The following UBE3C variants were observed in gnomAD, a reference collection of about 807,000 sequenced individuals.
UBE3C encodes the protein ubiquitin-protein ligase E3C.
A neutral mutation model predicts 129.4 loss-of-function variants in UBE3C; 42 were observed. The ratio of observed to expected loss-of-function variants is 0.32; its 90% CI spans 0.25 to 0.42. The LOEUF (loss-of-function observed/expected upper bound fraction) is 0.42. UBE3C is among the 10% of genes least tolerant of loss of function. The pLI, the probability that UBE3C is intolerant of heterozygous loss-of-function variation, is 1.00. For missense variants in UBE3C, 1,049 were observed against 1,319.1 expected (o/e 0.80, Z 3.17); for synonymous variants, 510 against 492.4 (o/e 1.04, Z -0.47).
chr7:157,265,148 G>A (rs886182312), intron 22 of UBE3C, among the ~76,000 whole-genome samples: 1 of 152,342 alleles, frequency 6.6e-6, no homozygotes, highest in African/African-American at 2.4e-5. Flanking sequence ...AGTTGTGAAT[G>A]TGGGTGAAGC....
Position 157,267,786 on chromosome 7 carries a change from A to ATCT in UBE3C, c.*31_*32insTCT. On this transcript the variant is annotated 3_prime_UTR_variant, in exon 23 of 23. Transcript: ENST00000348165. ...ATGCTGGGGTCAGACCCCTACAGAGAACCAGTGCTTCCTTCGTCAGCAGCG... is the reference window on the plus strand; with the variant it reads ...ATGCTGGGGTCAGACCCCTACAGAGATCTACCAGTGCTTCCTTCGTCAGCAGCG... The ATCT allele has an allele frequency of 1.3e-6, 2 of 1,527,284 alleles. No homozygotes were observed. Among genetic ancestry groups the ATCT allele is most frequent in the South Asian group, 2.6e-5 (2 of 77,008 alleles). 94.6% of individuals were successfully genotyped at this position (1,527,284 alleles called of 1,614,324 possible).
At chr7:157,152,809 A>G (rs1167882290) in intron 1 of UBE3C, among the ~76,000 whole-genome samples, 3 of 152,100 alleles carry the variant, frequency 2.0e-5, no homozygotes, top group Non-Finnish European at 4.4e-5. Flanking sequence ...CTGCTTGGGA[A>G]GTTGAGGACC....
intron 1 of UBE3C, among the ~76,000 whole-genome samples, chr7:157,161,775 A>G (rs1808077326): frequency 6.6e-6 from 1 of 152,130 alleles, no homozygotes; most frequent in Admixed American, 6.5e-5. Context: ...TTTGGCAATT[A>G]GAAACTTGAT....
chr7:157,153,375 C>G (rs962158883), intron 1 of UBE3C, among the ~76,000 whole-genome samples: 7 of 152,136 alleles, frequency 4.6e-5, no homozygotes, highest in African/African-American at 1.4e-4. Flanking sequence ...ATAGTTAACT[C>G]TGGAACCAAC....
intron 18 of UBE3C, among the ~76,000 whole-genome samples, chr7:157,232,173 A>C (rs1796038922): frequency 6.6e-6 from 1 of 152,016 alleles, no homozygotes. Context: ...GACACCTGTC[A>C]TTGTATTGGG....
At chr7:157,264,444 C>A (rs370629644) in intron 22 of UBE3C, among the ~76,000 whole-genome samples, 1 of 126,260 alleles carries the variant, frequency 7.9e-6, no homozygotes, top group African/African-American at 3.1e-5. Context: ...CAGGTGTGAG[C>A]CAACATGCTC....
chr7:157,251,313 C>G (rs1268487461), intron 19 of UBE3C, among the ~76,000 whole-genome samples: 1 of 152,112 alleles, frequency 6.6e-6, no homozygotes, highest in African/African-American at 2.4e-5. Flanking sequence ...TCAGTGTAAT[C>G]AATTTGGCTG....
At chr7:157,148,731 CTTTTTT>C (rs58138213) in intron 1 of UBE3C, among the ~76,000 whole-genome samples, 1 of 131,792 alleles carries the variant, frequency 7.6e-6, no homozygotes. Context: ...CAAATTAGTT[CTTTTTT>C]TTTTTTTTTT....
chr7:157,253,063 T>A (rs1796658541), intron 19 of UBE3C, among the ~76,000 whole-genome samples: 2 of 152,220 alleles, frequency 1.3e-5, no homozygotes, highest in South Asian at 2.1e-4. Flanking sequence ...AAATACTTTT[T>A]AAAAATTTTT....
At chr7:157,259,259 C>T (rs536263391) in intron 22 of UBE3C, among the ~76,000 whole-genome samples, 4 of 152,326 alleles carry the variant, frequency 2.6e-5, no homozygotes, top group South Asian at 2.1e-4. Context: ...GTTGTCCCTT[C>T]GCGTCCTTCA....
intron 10 of UBE3C, chr7:157,197,474 C>T: frequency 1.4e-6 from 1 of 726,712 alleles, no homozygotes; most frequent in Admixed American, 3.2e-5. Flanking sequence ...AACAATAAAA[C>T]CAAAATTTAT....
intron 8 of UBE3C, among the ~76,000 whole-genome samples, chr7:157,182,684 T>A (rs1369022636): frequency 6.6e-6 from 1 of 151,722 alleles, no homozygotes; most frequent in Non-Finnish European, 1.5e-5. Context: ...AAAACATACA[T>A]ACATACATAC....
chr7:157,204,147 G>GT (rs1459543780), intron 11 of UBE3C, among the ~76,000 whole-genome samples: 1 of 152,136 alleles, frequency 6.6e-6, no homozygotes, highest in African/African-American at 2.4e-5. Flanking sequence ...CTGAACCATT[G>GT]TAAGTCAGGC....
rs1299231498 is a variant in UBE3C, at chr7:157,207,834, G to A, written c.1708G>A (p.Glu570Lys). 6.2e-7 allele frequency: 1 copy of A among 1,613,936 alleles called. No individual in the cohort carries two copies. The highest frequency in any genetic ancestry group is 8.5e-7 in the Non-Finnish European group (1 of 1,180,020). Residue 570 changes from glutamate (E) to lysine (K), a missense_variant, in exon 13 of 23, where the codon GAA (glutamate) becomes AAA (lysine). This residue lies in a region of UBE3C where 314 missense variants were observed against 416.9 expected (regional missense o/e 0.75). Transcript: ENST00000348165. ...TCCAGAAACCAAGCCAGAAGTTCGAGAAGAATATATTACAGCATTTCAGAG... is the reference window on the plus strand; with the variant it reads ...TCCAGAAACCAAGCCAGAAGTTCGAAAAGAATATATTACAGCATTTCAGAG... The part of the protein sequence containing the change: ...AYPETKPEVR[E>K]EYITAFQSIG...
chr7:157,204,438 G>A (rs1490239056), intron 11 of UBE3C, among the ~76,000 whole-genome samples: 1 of 144,658 alleles, frequency 6.9e-6, no homozygotes, highest in Non-Finnish European at 1.5e-5. Context: ...CTCTGTTCCT[G>A]CCCTAAGACT....
chr7:157,185,735 A>G (rs914240493), intron 9 of UBE3C, among the ~76,000 whole-genome samples: 4 of 152,120 alleles, frequency 2.6e-5, no homozygotes, highest in African/African-American at 7.2e-5. Context: ...TGTACAATTT[A>G]TTTTAAAATT....
rs2117035142 is a variant in UBE3C at position 157,216,949 on chromosome 7, A to G, written c.1892A>G (p.Gln631Arg). The G allele has an allele frequency of 6.2e-7, 1 of 1,614,022 alleles. No homozygotes were observed. The highest frequency in any genetic ancestry group is 2.2e-5 in the East Asian group (1 of 44,882). Residue 631 changes from glutamine (Q) to arginine (R), a missense_variant, in exon 14 of 23, where the codon CAA becomes CGA. By Grantham distance (43) the Gln-to-Arg change is conservative. Around this residue, in one of 4 missense-constraint regions of UBE3C, gnomAD observed 314 missense variants for 416.9 expected, o/e 0.75. Coordinates refer to ENST00000348165, the MANE Select transcript of UBE3C (RefSeq NM_014671.3). The part of the protein sequence containing the change: ...FCPPNHWLSE[Q>R]EDIKADKVTQ... ...CCTCCAAACCACTGGCTGTCAGAAC[A>G]AGAAGATATTAAAGCAGATAAGGTG... is the stretch of plus-strand genomic sequence containing the variant.
chr7:157,198,886 A>G (rs901248721), intron 10 of UBE3C, among the ~76,000 whole-genome samples: 1 of 152,248 alleles, frequency 6.6e-6, no homozygotes, highest in African/African-American at 2.4e-5. Flanking sequence ...TGAGTGATTT[A>G]GTAAATATTC....
At chr7:157,151,692 C>T (rs1291948160) in intron 1 of UBE3C, among the ~76,000 whole-genome samples, 1 of 152,158 alleles carries the variant, frequency 6.6e-6, no homozygotes, top group Non-Finnish European at 1.5e-5. Flanking sequence ...AATGCAAATT[C>T]ACTGATTTAG....
Sources: allele counts gnomAD v4.1 joint callset (sites outside exome capture counted in the v4.1 genomes callset), GRCh38; gene constraint gnomAD v4.1.1; regional missense constraint gnomAD v4.1.1; transcripts MANE v1.5; gene names NCBI Gene and HGNC (gene_info 2026-07-23, HGNC 2026-07-21).